The following CPA6 variants were observed in gnomAD, a reference collection of about 807,000 sequenced individuals.
The protein encoded by CPA6 is carboxypeptidase A6, also known as carboxypeptidase B.
Under a neutral mutation model 63.3 loss-of-function variants are expected in CPA6, and 58 were observed. The ratio of observed to expected loss-of-function variants is 0.92; its 90% CI spans 0.74 to 1.14. The LOEUF (loss-of-function observed/expected upper bound fraction) is 1.14, where lower values mean the gene tolerates loss of function less well. Ranked by LOEUF, CPA6 falls within the 50% of genes most tolerant of loss-of-function variation. The probability of loss-of-function intolerance (pLI) is 0.00; values close to 1 mark genes in which losing one functional copy is unlikely to be tolerated. For missense variants in CPA6, 565 were observed against 526.6 expected (o/e 1.07, Z -0.71); for synonymous variants, 185 against 179.0 (o/e 1.03, Z -0.27).
chr8:67,576,747 G>A (rs559207179), intron 2 of CPA6, among the ~76,000 whole-genome samples: 1 of 152,236 alleles, frequency 6.6e-6, no homozygotes, highest in Admixed American at 6.5e-5. Flanking sequence ...GCTATAGGAT[G>A]CATTCTTATC....
intron 1 of CPA6, among the ~76,000 whole-genome samples, chr8:67,698,451 T>C (rs1166093755): frequency 6.6e-6 from 1 of 152,174 alleles, no homozygotes; most frequent in Non-Finnish European, 1.5e-5. Context: ...TTATTCCAAT[T>C]GGGATCCTCC....
intron 2 of CPA6, among the ~76,000 whole-genome samples, chr8:67,602,790 G>A (rs1280542193): frequency 6.6e-6 from 1 of 152,184 alleles, no homozygotes; most frequent in Middle Eastern, 3.2e-3. Context: ...AAGAGTAGCA[G>A]TGACTCATGT....
At chr8:67,731,788 A>G (rs1463420998) in intron 1 of CPA6, among the ~76,000 whole-genome samples, 1 of 152,218 alleles carries the variant, frequency 6.6e-6, no homozygotes, top group Non-Finnish European at 1.5e-5. Flanking sequence ...AAGTTAAAGG[A>G]AGAATACGAC....
chr8:67,606,088 AAAC>A (rs869197516), intron 2 of CPA6, among the ~76,000 whole-genome samples: 2 of 61,822 alleles, frequency 3.2e-5, no homozygotes, highest in South Asian at 6.9e-4. Flanking sequence ...AAGGACAAAA[AAAC>A]AAACACCGCA....
rs150527814 is a variant in CPA6 at position 67,428,456 on chromosome 8, C to T, written c.1042-325G>A. Among the ~76,000 whole-genome samples, 255 of 151,976 alleles carry T rather than the reference C, an allele frequency of 1.7e-3. 1 individual carries two copies. The highest frequency in any genetic ancestry group is 5.8e-3 in the African/African-American group (242 of 41,442). On this transcript the variant is annotated intron_variant, in intron 9 of 10. Coordinates refer to ENST00000297770, the MANE Select transcript of CPA6 (RefSeq NM_020361.5). ...ATTTTCTGAGGCTGACTTAGTGTTC[C>T]GTTCCTTGACTTTAGTTCAAGGCAA...
At chr8:67,634,213 AT>A (rs1205089469) in intron 1 of CPA6, among the ~76,000 whole-genome samples, 1 of 86,044 alleles carries the variant, frequency 1.2e-5, no homozygotes, top group Non-Finnish European at 2.4e-5. Flanking sequence ...TATTATTATT[AT>A]TATTATTTAT....
intron 8 of CPA6, among the ~76,000 whole-genome samples, chr8:67,455,681 A>G (rs1810657850): frequency 6.7e-6 from 1 of 150,120 alleles, no homozygotes; most frequent in Non-Finnish European, 1.5e-5. Flanking sequence ...AAAAAAAAAA[A>G]AAAAAAAAAA....
intron 2 of CPA6, among the ~76,000 whole-genome samples, chr8:67,614,671 A>G (rs891819731): frequency 9.9e-5 from 15 of 152,172 alleles, no homozygotes; most frequent in African/African-American, 3.6e-4. Flanking sequence ...TGTGTGTAGA[A>G]ACATGTTCAT....
At chr8:67,622,836 G>A (rs1004846973) in intron 2 of CPA6, among the ~76,000 whole-genome samples, 3 of 152,132 alleles carry the variant, frequency 2.0e-5, no homozygotes, top group African/African-American at 7.2e-5. Context: ...TTGGTAATCT[G>A]CTTTGCTGTC....
chr8:67,443,221 T>C (rs7010038), intron 8 of CPA6, among the ~76,000 whole-genome samples: 36,204 of 151,728 alleles, frequency 0.24, 4,791 homozygotes, highest in African/African-American at 0.35. Context: ...CCACCATGCC[T>C]GGCTAATTTT....
intron 1 of CPA6, among the ~76,000 whole-genome samples, chr8:67,634,315 A>G (rs1205534723): frequency 1.4e-5 from 2 of 147,666 alleles, no homozygotes; most frequent in African/African-American, 2.6e-5. Flanking sequence ...CGCCTCCCGC[A>G]TTCTCGCATT....
intron 2 of CPA6, among the ~76,000 whole-genome samples, chr8:67,525,955 C>G (rs989702498): frequency 6.6e-6 from 1 of 152,022 alleles, no homozygotes; most frequent in Admixed American, 6.6e-5. Flanking sequence ...CACTGAAAGC[C>G]CAGATATCAC....
chr8:67,435,378 C>T (rs1360861945), intron 8 of CPA6, among the ~76,000 whole-genome samples: 1 of 152,064 alleles, frequency 6.6e-6, no homozygotes, highest in East Asian at 1.9e-4. Context: ...TCCCTCCCCC[C>T]AGCGCAGGGG....
intron 10 of CPA6, among the ~76,000 whole-genome samples, chr8:67,423,297 T>C (rs748947083): frequency 1.3e-5 from 2 of 152,140 alleles, no homozygotes; most frequent in Non-Finnish European, 2.9e-5. Context: ...GTTGACCACG[T>C]TGGCCTTGAA....
At chr8:67,715,620 C>T (rs1382214598) in intron 1 of CPA6, among the ~76,000 whole-genome samples, 3 of 152,180 alleles carry the variant, frequency 2.0e-5, no homozygotes, top group Non-Finnish European at 1.5e-5. Flanking sequence ...GGAAAATGTC[C>T]TCTGTTGCTC....
At chr8:67,562,193 A>C (rs1813228924) in intron 2 of CPA6, among the ~76,000 whole-genome samples, 1 of 152,120 alleles carries the variant, frequency 6.6e-6, no homozygotes, top group Non-Finnish European at 1.5e-5. Flanking sequence ...TTTAAGTCCA[A>C]TTTTCCCCAT....
chr8:67,664,984 G>A (rs574137759), intron 1 of CPA6, among the ~76,000 whole-genome samples: 2 of 152,232 alleles, frequency 1.3e-5, no homozygotes, highest in African/African-American at 2.4e-5. Context: ...CTAGGAAAGG[G>A]CGAGGCAGAA....
chr8:67,450,083 T>C (rs1332521907), intron 8 of CPA6, among the ~76,000 whole-genome samples: 1 of 151,548 alleles, frequency 6.6e-6, no homozygotes, highest in Non-Finnish European at 1.5e-5. Context: ...CCCAAAGTGC[T>C]GGGATTACAG....
intron 2 of CPA6, among the ~76,000 whole-genome samples, chr8:67,565,062 T>C (rs1228789569): frequency 2.6e-5 from 4 of 152,182 alleles, no homozygotes; most frequent in African/African-American, 7.2e-5. Context: ...GAGATGGCTA[T>C]CTAAATCAGC....
Sources: allele counts gnomAD v4.1 joint callset (sites outside exome capture counted in the v4.1 genomes callset), GRCh38; gene constraint gnomAD v4.1.1; transcripts MANE v1.5; gene names NCBI Gene and HGNC (gene_info 2026-07-23, HGNC 2026-07-21).